Variants in C12orf42 observed in about 807,000 individuals in gnomAD.
C12orf42 encodes the protein chromosome 12 open reading frame 42.
C12orf42 carries 25 observed loss-of-function variants against 21.6 expected under a neutral mutation model. The observed-to-expected ratio is 1.16, with a 90% CI of 0.84 to 1.62. The LOEUF (loss-of-function observed/expected upper bound fraction) is 1.62. Ranked by LOEUF, C12orf42 falls within the 40% of genes most tolerant of loss-of-function variation. The probability of loss-of-function intolerance (pLI) is 0.00; values close to 1 mark genes in which losing one functional copy is unlikely to be tolerated. For missense variants in C12orf42, 483 were observed against 459.3 expected, an observed-to-expected ratio of 1.05 and a Z score of -0.47; for synonymous variants, 174 against 175.0, an observed-to-expected ratio of 0.99 and a Z score of 0.05.
chr12:103,206,872 C>T, the C12orf42 span, among the ~76,000 whole-genome samples: 5 of 152,262 alleles, frequency 3.3e-5, no homozygotes, highest in Admixed American at 6.5e-5. Context: ...CCGATCTTCC[C>T]GGCTAGAACT....
chr12:103,331,030 A>G (rs1183910978), intron 4 of C12orf42, among the ~76,000 whole-genome samples: 2 of 152,244 alleles, frequency 1.3e-5, no homozygotes, highest in African/African-American at 2.4e-5. Context: ...AAATAAACCA[A>G]TTCTCTAAAT....
At chr12:103,393,919 G>C (rs757291755) in intron 3 of C12orf42, among the ~76,000 whole-genome samples, 5 of 152,096 alleles carry the variant, frequency 3.3e-5, no homozygotes, top group Non-Finnish European at 5.9e-5. Flanking sequence ...TTAGAAATCA[G>C]AGGAATCCCT....
the C12orf42 span, among the ~76,000 whole-genome samples, chr12:103,195,638 G>T: frequency 6.6e-6 from 1 of 151,918 alleles, no homozygotes; most frequent in Non-Finnish European, 1.5e-5. Flanking sequence ...TTTTAATGGG[G>T]TTGTTTTTTG....
chr12:103,229,509 G>T, the C12orf42 span, among the ~76,000 whole-genome samples: 1 of 152,174 alleles, frequency 6.6e-6, no homozygotes, highest in Non-Finnish European at 1.5e-5. Flanking sequence ...AAGCTGGTTT[G>T]TGTGTACTTG....
chr12:103,310,663 C>G (rs999948665), intron 4 of C12orf42, among the ~76,000 whole-genome samples: 1 of 152,188 alleles, frequency 6.6e-6, no homozygotes, highest in Non-Finnish European at 1.5e-5. Context: ...CAGCTTAGAA[C>G]AGTGGGAATG....
the C12orf42 span, among the ~76,000 whole-genome samples, chr12:103,232,535 C>T: frequency 6.6e-6 from 1 of 151,858 alleles, no homozygotes; most frequent in Admixed American, 6.6e-5. Context: ...ACGGTGAAAT[C>T]CCATGTCTAC....
chr12:103,509,635 G>A, the C12orf42 span, among the ~76,000 whole-genome samples: 7 of 152,132 alleles, frequency 4.6e-5, no homozygotes, highest in East Asian at 1.2e-3. Context: ...CTGAATTCCC[G>A]TTTTGAGCAC....
the C12orf42 span, among the ~76,000 whole-genome samples, chr12:103,094,909 A>C: frequency 6.6e-6 from 1 of 152,360 alleles, no homozygotes; most frequent in East Asian, 1.9e-4. Flanking sequence ...GAAGCAATTA[A>C]AAATGCAACA....
At chr12:103,060,346 A>T in the C12orf42 span, among the ~76,000 whole-genome samples, 5 of 152,324 alleles carry the variant, frequency 3.3e-5, no homozygotes, top group African/African-American at 1.2e-4. Flanking sequence ...AAATGAAAAA[A>T]CATTCCATGC....
intron 4 of C12orf42, among the ~76,000 whole-genome samples, chr12:103,356,083 C>G (rs534013570): frequency 4.2e-4 from 64 of 152,138 alleles, no homozygotes; most frequent in Non-Finnish European, 6.3e-4. Flanking sequence ...ACTTAAAAGT[C>G]TAACTCCTGA....
chr12:103,316,107 G>A (rs568842521), intron 4 of C12orf42, among the ~76,000 whole-genome samples: 2 of 143,518 alleles, frequency 1.4e-5, no homozygotes, highest in African/African-American at 2.6e-5. Context: ...TACACACACA[G>A]TATATATATA....
downstream of C12orf42, among the ~76,000 whole-genome samples, chr12:103,264,475 G>T (rs2035066777): frequency 6.6e-6 from 1 of 152,058 alleles, no homozygotes; most frequent in South Asian, 2.1e-4. Flanking sequence ...TATGGACCTT[G>T]GCATCTGCAG....
the C12orf42 span, among the ~76,000 whole-genome samples, chr12:103,515,914 A>C: frequency 1.3e-5 from 2 of 152,218 alleles, no homozygotes; most frequent in Non-Finnish European, 2.9e-5. Flanking sequence ...GAAAGACTAA[A>C]TAATATATTT....
At chr12:103,200,142 C>A in the C12orf42 span, among the ~76,000 whole-genome samples, 2 of 152,038 alleles carry the variant, frequency 1.3e-5, no homozygotes, top group Non-Finnish European at 2.9e-5. Context: ...GAATATTAAT[C>A]AGGCTTAAAA....
chr12:103,203,771 C>T, the C12orf42 span, among the ~76,000 whole-genome samples: 1 of 152,124 alleles, frequency 6.6e-6, no homozygotes, highest in East Asian at 1.9e-4. Flanking sequence ...TGCTTGATAT[C>T]AGAGACTCTC....
At chr12:103,481,497 T>C (rs957375092) in intron 1 of C12orf42, among the ~76,000 whole-genome samples, 3 of 152,042 alleles carry the variant, frequency 2.0e-5, no homozygotes, top group African/African-American at 7.2e-5. Context: ...AGTCGAATGC[T>C]GAAGACATTC....
At chr12:103,074,594 C>G in the C12orf42 span, among the ~76,000 whole-genome samples, 3 of 152,068 alleles carry the variant, frequency 2.0e-5, no homozygotes, top group Non-Finnish European at 2.9e-5. Context: ...TAAGGGAAAC[C>G]AAAATGCCTA....
In C12orf42 at chr12:103,329,696, A is replaced by G. The variant is rs553889362; in HGVS notation, c.260-23351T>C. Among the ~76,000 whole-genome samples, 17 of 152,030 alleles carry G rather than the reference A, an allele frequency of 1.1e-4. No individual in the cohort carries two copies. The South Asian group carries it at 3.3e-3, about 30-fold the overall frequency. ...AAAACACAAAGGCTTTTAGTTTCTA[A>G]TGATAGAAGCCTACATATTCATTGT... On this transcript the variant is annotated intron_variant, in intron 4 of 5. Coordinates refer to ENST00000548883, the MANE Select transcript of C12orf42 (RefSeq NM_198521.5).
chr12:103,458,065 T>C (rs1952433824), intron 2 of C12orf42, among the ~76,000 whole-genome samples: 1 of 152,108 alleles, frequency 6.6e-6, no homozygotes, highest in Non-Finnish European at 1.5e-5. Context: ...GAACAAAAGC[T>C]TAATCACATA....
Sources: gnomAD v4.1 joint callset for allele counts (sites outside exome capture counted in the v4.1 genomes callset) on GRCh38, gnomAD v4.1.1 for gene constraint, MANE v1.5 for transcripts, NCBI Gene and HGNC (gene_info 2026-07-23, HGNC 2026-07-21) for gene names.